Variants in TTC6 observed in about 807,000 individuals in gnomAD.
TTC6 encodes tetratricopeptide repeat protein 6.
Under a neutral mutation model 210.4 loss-of-function variants are expected in TTC6, and 172 were observed. The observed-to-expected ratio is 0.82, with a 90% confidence interval of 0.72 to 0.93. The LOEUF is 0.93. Ranked by LOEUF, TTC6 falls within the 40% of genes least tolerant of loss-of-function variation. The pLI is 0.00. For synonymous variants in TTC6, 804 were observed against 819.6 expected (o/e 0.98, Z 0.32); for missense variants, 2,414 against 2,318.1 (o/e 1.04, Z -0.85).
chr14:37,657,295 A>G (rs1477877403), intron 1 of TTC6, among the ~76,000 whole-genome samples: 2 of 150,052 alleles, frequency 1.3e-5, no homozygotes, highest in Admixed American at 1.3e-4. Flanking sequence ...AAGGAGTGGC[A>G]TTTTAATAAA....
At chr14:37,623,024 G>A (rs1218520763) in intron 1 of TTC6, 21 bp downstream of exon 3, 3 of 1,437,166 alleles carry the variant, frequency 2.1e-6, no homozygotes, top group South Asian at 1.4e-5. Context: ...CAAAACAAGA[G>A]TAACATTTTT....
chr14:37,695,569 T>A (rs2095813288), intron 3 of TTC6, among the ~76,000 whole-genome samples: 1 of 152,110 alleles, frequency 6.6e-6, no homozygotes, highest in Admixed American at 6.6e-5. Context: ...GTCAGACTGG[T>A]CTTGAACTCC....
exon 1 of TTC6, chr14:37,595,876 G>A (rs1420546885): frequency 1.3e-5 from 2 of 151,896 alleles, no homozygotes; most frequent in Non-Finnish European, 2.9e-5. Context: ...AAGGGAAAAA[G>A]CCCCACTTTT....
At chr14:37,684,790 A>G (rs1210687182) in intron 3 of TTC6, among the ~76,000 whole-genome samples, 1 of 152,196 alleles carries the variant, frequency 6.6e-6, no homozygotes, top group African/African-American at 2.4e-5. Flanking sequence ...ATTTCTGCTC[A>G]AAATGTTAGC....
intron 14 of TTC6, among the ~76,000 whole-genome samples, chr14:37,758,740 G>A (rs530067869): frequency 1.3e-5 from 2 of 152,252 alleles, no homozygotes; most frequent in African/African-American, 4.8e-5. Context: ...GATGCTAGCT[G>A]GTTATTTTAT....
intron 3 of TTC6, among the ~76,000 whole-genome samples, chr14:37,690,345 T>C (rs905884551): frequency 6.6e-6 from 1 of 151,296 alleles, no homozygotes; most frequent in African/African-American, 2.4e-5. Flanking sequence ...AGAAAACAAA[T>C]AACAAAATGG....
intron 25 of TTC6, among the ~76,000 whole-genome samples, chr14:37,816,285 C>T (rs1203194314): frequency 2.6e-5 from 4 of 152,126 alleles, no homozygotes; most frequent in African/African-American, 7.2e-5. Context: ...TCTTCCACCC[C>T]CAATAACAGC....
intron 2 of TTC6, among the ~76,000 whole-genome samples, chr14:37,608,288 G>T (rs112357220): frequency 0.056 from 8,404 of 149,660 alleles, 233 homozygotes; most frequent in African/African-American, 0.077. Context: ...AGTTTTTTTT[G>T]TGTGTGTGTG....
intron 15 of TTC6, among the ~76,000 whole-genome samples, chr14:37,788,756 A>G (rs771575615): frequency 1.3e-5 from 2 of 152,082 alleles, no homozygotes; most frequent in Non-Finnish European, 2.9e-5. Context: ...CAAACCTGTT[A>G]TGTCTACTAA....
intron 10 of TTC6, among the ~76,000 whole-genome samples, chr14:37,746,269 A>G (rs1207254869): frequency 1.3e-5 from 2 of 152,076 alleles, no homozygotes; most frequent in African/African-American, 4.8e-5. Context: ...AAGGCTTTTC[A>G]AGGGTATTGT....
upstream of TTC6, chr14:37,595,827 CT>C (rs1033389581): frequency 1.0e-4 from 15 of 150,500 alleles, no homozygotes; most frequent in South Asian, 2.1e-4. Context: ...AGAATACAGA[CT>C]TTTTTTTTTC....
At chr14:37,685,272 A>G (rs1366090404) in intron 3 of TTC6, among the ~76,000 whole-genome samples, 1 of 152,228 alleles carries the variant, frequency 6.6e-6, no homozygotes, top group African/African-American at 2.4e-5. Flanking sequence ...CTCACAAAAC[A>G]TGTATGAGTA....
chr14:37,749,917 G>T, intron 12 of TTC6, 74 bp downstream of exon 14: 1 of 1,039,162 alleles, frequency 9.6e-7, no homozygotes, highest in Non-Finnish European at 1.2e-6. Context: ...GTACTATAAG[G>T]ATACATAAAT....
chr14:37,605,879 A>G (rs1594998390), intron 1 of TTC6, among the ~76,000 whole-genome samples: 1 of 150,914 alleles, frequency 6.6e-6, no homozygotes, highest in East Asian at 2.0e-4. Flanking sequence ...TTTCAAATGG[A>G]TAGTTTTATT....
chr14:37,770,248 A>G lies in TTC6; in HGVS notation c.3266+17013A>G, dbSNP rs909285736. 5.9e-5 allele frequency among the ~76,000 whole-genome samples: 9 copies of G among 152,184 alleles called. No individual in the cohort carries two copies. In the East Asian group the frequency reaches 1.4e-3, roughly 23 times the overall value. On this transcript the variant is annotated intron_variant, in intron 14 of 30. Transcript: ENST00000553443. ...CTATGTGGTCAGTTTTGGAATAGGT[A>G]TGGTGTGGTGCTGAAAAAAATGTAT...
intron 1 of TTC6, among the ~76,000 whole-genome samples, chr14:37,651,438 T>C (rs1212994489): frequency 1.2e-5 from 1 of 81,338 alleles, no homozygotes; most frequent in Non-Finnish European, 2.3e-5. Flanking sequence ...TTTTTTTTTT[T>C]TTTTTTTTTT....
intron 13 of TTC6, among the ~76,000 whole-genome samples, chr14:37,751,978 T>G (rs2095953630): frequency 6.6e-6 from 1 of 151,816 alleles, no homozygotes; most frequent in East Asian, 1.9e-4. Context: ...TGCCCGCCAC[T>G]ATGCCCGGTT....
intron 1 of TTC6, among the ~76,000 whole-genome samples, chr14:37,627,466 C>G (rs2095662297): frequency 1.3e-5 from 2 of 151,944 alleles, no homozygotes; most frequent in African/African-American, 2.4e-5. Flanking sequence ...CCCCCACCCC[C>G]TGACAGGCCC....
chr14:37,823,987 G>T lies in TTC6; in HGVS notation c.4974+30G>T, dbSNP rs1012393776. On this transcript the variant is annotated intron_variant, in intron 27 of 30. Transcript: ENST00000553443. The stretch of plus-strand genomic sequence containing the variant: ...TATAGCAACATTTTGAGCATTAAAA[G>T]CATGTTTTGGGGAGAAAGAATATAT... The T allele has an allele frequency of 6.9e-6, 11 of 1,594,992 alleles. No individual in the cohort carries two copies. In the South Asian group the frequency reaches 8.8e-5, roughly 13 times the overall value.
Sources: allele counts gnomAD v4.1 joint callset (sites outside exome capture counted in the v4.1 genomes callset), GRCh38; gene constraint gnomAD v4.1.1; transcripts MANE v1.5; gene names NCBI Gene and HGNC (gene_info 2026-07-23, HGNC 2026-07-21).